Variants in CCDC63 observed in about 807,000 individuals in gnomAD.
CCDC63 encodes the protein coiled-coil domain-containing protein 63.
In CCDC63, 54 loss-of-function variants were observed where a neutral mutation model predicts 63.6. That is an observed-to-expected ratio of 0.85 (90% CI 0.68 to 1.07). CCDC63 has a LOEUF of 1.07. Among genes scored for constraint, CCDC63 ranks in the 50% least tolerant of loss-of-function variants. The pLI is 0.00. For synonymous variants in CCDC63, 253 were observed against 266.1 expected (o/e 0.95, Z 0.48); for missense variants, 637 against 689.6 (o/e 0.92, Z 0.86).
chr12:110,880,034 G>A lies in CCDC63; in HGVS notation c.618G>A (p.Glu206=). ...AGCTCCAGCACTGCCTGTTGATGGA[G>A]AAGAAAACCATGAACTTGGCCATTG... is the stretch of plus-strand genomic sequence containing the variant. The part of the protein sequence containing the change: ...YQQLQHCLLM[E]KKTMNLAIEQ... Residue 206 remains glutamate, a synonymous_variant, in exon 6 of 12, where the codon GAG becomes GAA. Coordinates refer to ENST00000308208, the MANE Select transcript of CCDC63 (RefSeq NM_152591.3). 6.2e-7 allele frequency: 1 copy of A among 1,614,170 alleles called. No individual in the cohort carries two copies. The highest frequency in any genetic ancestry group is 8.5e-7 in the Non-Finnish European group (1 of 1,180,010).
chr12:110,880,083 C>A lies in CCDC63; in HGVS notation c.667C>A (p.Gln223Lys), dbSNP rs745728789. ...AIEQSSQAYEQRVEAMARMAA... is the reference protein window; with the variant it reads ...AIEQSSQAYEKRVEAMARMAA... ...TGAGCAATCTTCTCAGGCCTATGAG[C>A]AGAGGTGGGCTGGGGATAGGTCCAG... The change falls in exon 6 of 12, where the codon CAG becomes AAG. Residue 223 changes from glutamine to lysine, a missense_variant. Physicochemically the swap from Gln to Lys is moderately conservative, Grantham distance 53. Coordinates refer to ENST00000308208, the MANE Select transcript of CCDC63 (RefSeq NM_152591.3). 1 of 1,613,658 alleles carries A rather than the reference C, an allele frequency of 6.2e-7. No individual in the cohort carries two copies. The highest frequency in any genetic ancestry group is 1.1e-5 in the South Asian group (1 of 91,058).
At position 110,907,472 on chromosome 12, in the gene CCDC63, T is replaced by C. The variant is rs115122787; in HGVS notation, c.1688T>C (p.Met563Thr). 11 of 1,614,178 alleles carry C rather than the reference T, an allele frequency of 6.8e-6. No homozygotes were observed. The highest frequency in any genetic ancestry group is 4.0e-5 in the African/African-American group (3 of 75,040). Residue 563 changes from methionine to threonine, a missense_variant, in exon 12 of 12, where the codon ATG (methionine) becomes ACG (threonine). Coordinates refer to ENST00000308208, the MANE Select transcript of CCDC63 (RefSeq NM_152591.3). The surrounding 1 kb of genome is among the most constrained non-coding windows in gnomAD (Gnocchi z 4.4). ...DDFRSRKKVT[M>T] is the part of the protein sequence containing the mutation. The stretch of plus-strand genomic sequence containing the variant: ...TTCAGATCCAGGAAGAAAGTAACCA[T>C]GTGAGGTGCATGCATGGGGCCACCT...
chr12:110,867,039 C>A (rs2070963894), intron 4 of CCDC63, among the ~76,000 whole-genome samples: 1 of 128,618 alleles, frequency 7.8e-6, no homozygotes, highest in Non-Finnish European at 1.7e-5. Flanking sequence ...GCTGGCCGGG[C>A]AGAGGGGCTC....
At chr12:110,877,947 T>G (rs374678680) in intron 5 of CCDC63, among the ~76,000 whole-genome samples, 2 of 151,916 alleles carry the variant, frequency 1.3e-5, no homozygotes, top group South Asian at 2.1e-4. Context: ...TCTCAGGTGA[T>G]CCACCCGCCT....
chr12:110,884,284 C>G, intron 8 of CCDC63, 34 bp downstream of exon 8: 3 of 1,556,216 alleles, frequency 1.9e-6, no homozygotes, highest in Non-Finnish European at 2.7e-6. Flanking sequence ...GGCCCTGGGC[C>G]CCTGTGTCCA....
In CCDC63 at chr12:110,904,573, C is replaced by T; in HGVS notation, c.1343-15C>T. ...TCTCTCGGCAGCCATCTTGGTCCTGCTTCTTGTTCTCCAGCCATCATTGAA... is the reference window on the plus strand; with the variant it reads ...TCTCTCGGCAGCCATCTTGGTCCTGTTTCTTGTTCTCCAGCCATCATTGAA... On this transcript the variant is annotated splice_polypyrimidine_tract_variant and intron_variant, in intron 10 of 11. Coordinates refer to ENST00000308208, the MANE Select transcript of CCDC63 (RefSeq NM_152591.3). The T allele has an allele frequency of 6.2e-7, 1 of 1,613,586 alleles. No homozygotes were observed. The highest frequency in any genetic ancestry group is 2.2e-5 in the East Asian group (1 of 44,852).
At chr12:110,875,060 A>C (rs1257724755) in intron 5 of CCDC63, among the ~76,000 whole-genome samples, 3 of 152,160 alleles carry the variant, frequency 2.0e-5, no homozygotes, top group Non-Finnish European at 4.4e-5. Flanking sequence ...CTTCCCCCAG[A>C]CTTTGACCAC....
At chr12:110,878,085 T>C (rs965385280) in intron 5 of CCDC63, among the ~76,000 whole-genome samples, 2 of 152,194 alleles carry the variant, frequency 1.3e-5, no homozygotes, top group Non-Finnish European at 2.9e-5. Flanking sequence ...TTATTTCACT[T>C]AGCGTAATGT....
Position 110,862,800 on chromosome 12 carries a change from G to C in CCDC63, c.369+4025G>C, listed in dbSNP as rs530173209. Among the ~76,000 whole-genome samples, 4 of 150,882 alleles carry C rather than the reference G, an allele frequency of 2.7e-5. No individual in the cohort carries two copies. The South Asian group carries it at 6.3e-4, about 24-fold the overall frequency. ...TGAGACCATCTCACTCTGTCACCCA[G>C]ACTGGAGTGCAGTGGTGTGATCTCA... On this transcript the variant is annotated intron_variant, in intron 4 of 11. Transcript: ENST00000308208.
intron 8 of CCDC63, among the ~76,000 whole-genome samples, chr12:110,892,414 TAAAAATAA>T (rs1270762465): frequency 6.6e-6 from 1 of 151,220 alleles, no homozygotes; most frequent in Non-Finnish European, 1.5e-5. Flanking sequence ...CCCATCTCTA[TAAAAATAA>T]AAAAAGAAAA....
upstream of CCDC63, chr12:110,846,742 G>A (rs551816837): frequency 3.9e-5 from 6 of 152,368 alleles, no homozygotes; most frequent in Admixed American, 3.9e-4. Flanking sequence ...GGCTAAGACT[G>A]TTGATTGACT....
rs771192314 is a variant in CCDC63 at position 110,907,405 on chromosome 12, A to G, written c.1621A>G (p.Lys541Glu). 6.2e-7 allele frequency: 1 copy of G among 1,614,174 alleles called. No individual in the cohort carries two copies. Among genetic ancestry groups the G allele is most frequent in the Non-Finnish European group, 8.5e-7 (1 of 1,180,028 alleles). ...DNYILKENRS[K>E]EVRGDSLPEK... The stretch of plus-strand genomic sequence containing the variant: ...TTATATCCTGAAGGAGAATCGGAGT[A>G]AGGAAGTGCGCGGAGACAGCCTGCC... Residue 541 changes from lysine (K) to glutamate (E), a missense_variant, in exon 12 of 12, where the codon AAG becomes GAG. Coordinates refer to ENST00000308208, the MANE Select transcript of CCDC63 (RefSeq NM_152591.3). The surrounding 1 kb of genome is among the most constrained non-coding windows in gnomAD (Gnocchi z 4.4).
At chr12:110,855,182 G>A (rs996579223) in intron 3 of CCDC63, among the ~76,000 whole-genome samples, 4 of 152,174 alleles carry the variant, frequency 2.6e-5, no homozygotes, top group Admixed American at 6.5e-5. Context: ...TTTTTAAAAG[G>A]TACACTTTCT....
At chr12:110,906,630 C>T (rs895588966) in intron 11 of CCDC63, among the ~76,000 whole-genome samples, 7 of 151,972 alleles carry the variant, frequency 4.6e-5, no homozygotes, top group Admixed American at 3.3e-4. Context: ...CCAACAAGCA[C>T]ACGTGCACAC....
intron 5 of CCDC63, among the ~76,000 whole-genome samples, chr12:110,876,357 A>C (rs1419079904): frequency 5.9e-5 from 9 of 152,272 alleles, no homozygotes; most frequent in Middle Eastern, 3.4e-3. Flanking sequence ...AAGATAGAAT[A>C]AGAATGCTCT....
intron 1 of CCDC63, among the ~76,000 whole-genome samples, chr12:110,850,727 G>A (rs1230099619): frequency 6.6e-6 from 1 of 152,160 alleles, no homozygotes; most frequent in African/African-American, 2.4e-5. Context: ...GGCAACAAGA[G>A]CGAAATTCTG....
In CCDC63 at chr12:110,884,078, A is replaced by G. The variant is rs1459657433; in HGVS notation, c.902A>G (p.Glu301Gly). 1.9e-6 allele frequency: 3 copies of G among 1,614,118 alleles called. No homozygotes were observed. In the South Asian group the frequency reaches 3.3e-5, roughly 18 times the overall value. Residue 301 changes from glutamate (E) to glycine (G), a missense_variant, in exon 8 of 12, where the codon GAG (glutamate) becomes GGG (glycine). Physicochemically the swap from Glu to Gly is moderately conservative, Grantham distance 98. Transcript: ENST00000308208. Reference sequence around the variant, plus strand: ...AAGAAGAACAGGGGAGAGAGTTTTGAGAGCTATGAGGTGGCCCACCTCCGG... The same window carrying G: ...AAGAAGAACAGGGGAGAGAGTTTTGGGAGCTATGAGGTGGCCCACCTCCGG... The part of the protein sequence containing the change: ...HVKKNRGESF[E>G]SYEVAHLRLL...
chr12:110,896,043 CATGTATT>C (rs1258863339), intron 9 of CCDC63, among the ~76,000 whole-genome samples: 1 of 152,182 alleles, frequency 6.6e-6, no homozygotes, highest in African/African-American at 2.4e-5. Context: ...AGGAGCTAGA[CATGTATT>C]ATAACCACCA....
At chr12:110,874,683 A>G (rs962288528) in intron 5 of CCDC63, among the ~76,000 whole-genome samples, 2 of 152,204 alleles carry the variant, frequency 1.3e-5, no homozygotes, top group Non-Finnish European at 2.9e-5. Context: ...TTAATGACGT[A>G]TTCTGGGGAG....
Sources: allele counts gnomAD v4.1 joint callset (sites outside exome capture counted in the v4.1 genomes callset), GRCh38; gene constraint gnomAD v4.1.1; non-coding constraint Gnocchi (gnomAD v3.1); transcripts MANE v1.5; gene names NCBI Gene and HGNC (gene_info 2026-07-23, HGNC 2026-07-21).